ADARB2: variants seen among roughly 807,000 people sequenced by gnomAD.
ADARB2 encodes the protein inactive double-stranded RNA-specific editase B2.
In ADARB2, 25 loss-of-function variants were observed where a neutral mutation model predicts 62.2. That is an observed-to-expected ratio of 0.40 (90% CI 0.29 to 0.56). The LOEUF (loss-of-function observed/expected upper bound fraction) is 0.56, where lower values mean the gene tolerates loss of function less well. ADARB2 is among the 20% of genes least tolerant of loss of function. The pLI, the probability that ADARB2 is intolerant of heterozygous loss-of-function variation, is 0.43. For missense variants in ADARB2, 1,071 were observed against 1,077.4 expected, an observed-to-expected ratio of 0.99 and a Z score of 0.08; for synonymous variants, 572 against 500.8, an observed-to-expected ratio of 1.14 and a Z score of -1.90.
At chr10:1,195,389 G>GTTTTT (rs377144803) in intron 8 of ADARB2, among the ~76,000 whole-genome samples, 53 of 103,672 alleles carry the variant, frequency 5.1e-4, no homozygotes, top group African/African-American at 8.1e-4. Flanking sequence ...GCTGTACACA[G>GTTTTT]TTTTTTTTTT....
chr10:1,667,846 T>C (rs914661264), intron 1 of ADARB2, among the ~76,000 whole-genome samples: 1 of 152,240 alleles, frequency 6.6e-6, no homozygotes, highest in Non-Finnish European at 1.5e-5. Context: ...GAACTATCTT[T>C]CAAGTTTAAT....
intron 5 of ADARB2, among the ~76,000 whole-genome samples, chr10:1,241,883 G>A (rs2131776835): frequency 6.6e-6 from 1 of 152,344 alleles, no homozygotes; most frequent in East Asian, 1.9e-4. Context: ...GGGCTGCAAA[G>A]GTGTTTTCTG....
chr10:1,227,023 G>T lies in ADARB2; in HGVS notation c.1513+6671C>A, dbSNP rs543528611. ...AGGTGGAGCCTATAGAGGCAGGCAGGCCTCCTTAAGCTGTGGTGGGCTCCA... is the reference window on the plus strand; with the variant it reads ...AGGTGGAGCCTATAGAGGCAGGCAGTCCTCCTTAAGCTGTGGTGGGCTCCA... On this transcript the variant is annotated intron_variant, in intron 6 of 9. Coordinates refer to ENST00000381312, the MANE Select transcript of ADARB2 (RefSeq NM_018702.4). 5.2e-5 allele frequency among the ~76,000 whole-genome samples: 8 copies of T among 152,384 alleles called. No individual in the cohort carries two copies. The South Asian group carries it at 8.3e-4, about 16-fold the overall frequency.
chr10:1,734,905 TATC>T (rs1835281167), intron 1 of ADARB2, among the ~76,000 whole-genome samples: 2 of 152,230 alleles, frequency 1.3e-5, no homozygotes, highest in South Asian at 2.1e-4. Context: ...AAATAAAAAA[TATC>T]AGCATCTGTA....
At chr10:1,344,940 C>T (rs1384398052) in intron 3 of ADARB2, among the ~76,000 whole-genome samples, 2 of 152,188 alleles carry the variant, frequency 1.3e-5, no homozygotes, top group East Asian at 1.9e-4. Flanking sequence ...ATGTCCTCCC[C>T]GGCCAAGAAA....
intron 1 of ADARB2, among the ~76,000 whole-genome samples, chr10:1,672,106 G>A (rs1018649278): frequency 2.0e-5 from 3 of 151,730 alleles, no homozygotes; most frequent in Non-Finnish European, 2.9e-5. Flanking sequence ...ATCAAGCAGA[G>A]CCCTACCCCA....
In ADARB2 at chr10:1,303,346, T is replaced by C. The variant is rs1831593433; in HGVS notation, c.1078-32277A>G. Among the ~76,000 whole-genome samples, 3 of 151,690 alleles carry C rather than the reference T, an allele frequency of 2.0e-5. No individual in the cohort carries two copies. In the South Asian group the frequency reaches 6.3e-4, roughly 32 times the overall value. On this transcript the variant is annotated intron_variant, in intron 3 of 9. Transcript: ENST00000381312. ...TTAGAGAAAAAAGAATAAAAAGAAA[T>C]GAGCAAAGCCTCCAAGAAATATGGG...
intron 1 of ADARB2, among the ~76,000 whole-genome samples, chr10:1,491,327 C>A (rs1210998714): frequency 6.6e-6 from 1 of 152,166 alleles, no homozygotes; most frequent in Non-Finnish European, 1.5e-5. Flanking sequence ...ATCTTGGCCT[C>A]CTAAAGTGCT....
intron 9 of ADARB2, among the ~76,000 whole-genome samples, chr10:1,183,642 A>G (rs1836710582): frequency 2.0e-5 from 3 of 152,222 alleles, no homozygotes; most frequent in Admixed American, 6.5e-5. Flanking sequence ...GGCTCCAGGC[A>G]GGGTTGGGGA....
intron 1 of ADARB2, among the ~76,000 whole-genome samples, chr10:1,470,571 C>T (rs1324817906): frequency 6.6e-6 from 1 of 152,246 alleles, no homozygotes; most frequent in Non-Finnish European, 1.5e-5. Context: ...AGCCCTTTCA[C>T]AGCCAGAACT....
Position 1,363,224 on chromosome 10 carries a change from C to G in ADARB2, c.881G>C (p.Cys294Ser). The change falls in exon 3 of 10, where the codon TGT becomes TCT. Residue 294 changes from cysteine to serine, a missense_variant. Cys to Ser is a moderately radical substitution (Grantham distance 112, BLOSUM62 -1). Transcript: ENST00000381312. ...NRLRAGLRYV[C>S]LAEPAERRAR... ...GCGCCGCTCGGCCGGTTCTGCCAGA[C>G]ACACGTAGCGCAGCCCGGCGCGCAG... 1 of 1,448,030 alleles carries G rather than the reference C, an allele frequency of 6.9e-7. No homozygotes were observed. The allele number at this position is 1,448,030 out of a possible 1,614,324, so 89.7% of individuals were successfully genotyped here.
chr10:1,717,182 T>TCTTTC (rs1835030530), intron 1 of ADARB2, among the ~76,000 whole-genome samples: 3 of 145,332 alleles, frequency 2.1e-5, no homozygotes, highest in African/African-American at 8.1e-5. Flanking sequence ...TTTTTGCTTT[T>TCTTTC]TGTTTTTAAA....
chr10:1,436,308 T>A (rs1830835554), intron 1 of ADARB2, among the ~76,000 whole-genome samples: 1 of 152,238 alleles, frequency 6.6e-6, no homozygotes, highest in Non-Finnish European at 1.5e-5. Context: ...AGCTACTTTT[T>A]AAAAATTCTT....
At chr10:1,646,887 C>T (rs534409890) in intron 1 of ADARB2, among the ~76,000 whole-genome samples, 3 of 152,340 alleles carry the variant, frequency 2.0e-5, no homozygotes, top group Admixed American at 1.3e-4. Flanking sequence ...GCAGTCTTGC[C>T]AGTGCCTGCG....
At chr10:1,696,069 A>T (rs1273514008) in intron 1 of ADARB2, among the ~76,000 whole-genome samples, 1 of 151,922 alleles carries the variant, frequency 6.6e-6, no homozygotes, top group East Asian at 2.0e-4. Context: ...TGCATTGTGT[A>T]TATGTGCATC....
In ADARB2 at chr10:1,183,120, G is replaced by A; in HGVS notation, c.*73C>T. ...ACGAATGCAGGGAACCGGCCGACCCGCCACGTCGCCCCCCAGACACGGTCC... is the reference window on the plus strand; with the variant it reads ...ACGAATGCAGGGAACCGGCCGACCCACCACGTCGCCCCCCAGACACGGTCC... On this transcript the variant is annotated 3_prime_UTR_variant, in exon 10 of 10. Transcript: ENST00000381312. The A allele has an allele frequency of 7.2e-6, 11 of 1,535,204 alleles. No individual in the cohort carries two copies. Among genetic ancestry groups the A allele is most frequent in the East Asian group, 2.3e-5 (1 of 43,628 alleles).
chr10:1,555,611 A>G (rs1453563549), intron 1 of ADARB2, among the ~76,000 whole-genome samples: 1 of 152,130 alleles, frequency 6.6e-6, no homozygotes, highest in African/African-American at 2.4e-5. Flanking sequence ...CAGGTATGCG[A>G]GACTACAAGG....
intron 1 of ADARB2, among the ~76,000 whole-genome samples, chr10:1,592,207 A>C (rs1212736139): frequency 6.6e-6 from 1 of 152,208 alleles, no homozygotes; most frequent in Non-Finnish European, 1.5e-5. Context: ...AAGTATAACA[A>C]AGCCCAGCTC....
chr10:1,357,388 G>A (rs1832206276), intron 3 of ADARB2, among the ~76,000 whole-genome samples: 1 of 152,144 alleles, frequency 6.6e-6, no homozygotes, highest in Admixed American at 6.5e-5. Context: ...ACAGGTGGCT[G>A]CTGGAGTCTC....
Sources: gnomAD v4.1 joint callset for allele counts (sites outside exome capture counted in the v4.1 genomes callset) on GRCh38, gnomAD v4.1.1 for gene constraint, MANE v1.5 for transcripts, NCBI Gene and HGNC (gene_info 2026-07-23, HGNC 2026-07-21) for gene names.